DGKH: variants seen among roughly 807,000 people sequenced by gnomAD.
The protein encoded by DGKH is diacylglycerol kinase eta.
DGKH carries 90 observed loss-of-function variants against 159.3 expected under a neutral mutation model. The observed-to-expected ratio is 0.57, with a 90% confidence interval of 0.48 to 0.67. DGKH has a LOEUF of 0.67. DGKH is among the 30% of genes least tolerant of loss of function. The probability of loss-of-function intolerance (pLI) is 0.00; values close to 1 mark genes in which losing one functional copy is unlikely to be tolerated. For synonymous variants in DGKH, 536 were observed against 553.8 expected, an observed-to-expected ratio of 0.97 and a Z score of 0.45; for missense variants, 1,181 against 1,506.1, an observed-to-expected ratio of 0.78 and a Z score of 3.57.
At chr13:42,159,242 C>CTGTTTTTTTTTTTTTTTTT in intron 5 of DGKH, 24 bp from the exon 6 acceptor site, 3 of 159,040 alleles carry the variant, frequency 1.9e-5, no homozygotes, top group East Asian at 1.8e-4. Flanking sequence ...AAAGCAGTTG[C>CTGTTTTTTTTTTTTTTTTT]TCTTTTTTTT....
chr13:42,150,563 A>G (rs758055557), intron 3 of DGKH, among the ~76,000 whole-genome samples: 2 of 152,252 alleles, frequency 1.3e-5, no homozygotes, highest in Non-Finnish European at 2.9e-5. Context: ...ATGCTGCGGA[A>G]GTAATCCTTC....
rs1163916522 is a variant in DGKH at position 42,205,956 on chromosome 13, T to G, written c.2494-83T>G. On this transcript the variant is annotated intron_variant, in intron 20 of 29. Transcript: ENST00000337343. ...ACACTGTGCTCCATTGTCCTTCATC[T>G]TTAGTGTTTTAGTATCTTCCATACT... 6.7e-6 allele frequency: 5 copies of G among 745,458 alleles called. No homozygotes were observed. In the African/African-American group the frequency reaches 9.1e-5, roughly 14 times the overall value. 46.2% of individuals were successfully genotyped at this position (745,458 alleles called of 1,614,324 possible). A position where few individuals can be genotyped will look rare whatever the true frequency, so the allele number is the denominator to read the frequency against.
At chr13:42,195,558 G>A (rs767310681) in intron 17 of DGKH, among the ~76,000 whole-genome samples, 4 of 152,238 alleles carry the variant, frequency 2.6e-5, no homozygotes, top group East Asian at 1.9e-4. Flanking sequence ...ATTATGAGTC[G>A]GTAGTTCTGG....
chr13:42,122,764 G>T (rs1955101198), intron 1 of DGKH, among the ~76,000 whole-genome samples: 1 of 152,178 alleles, frequency 6.6e-6, no homozygotes, highest in South Asian at 2.1e-4. Context: ...AGCGTATCTT[G>T]TCATTGCATA....
At chr13:42,048,641 G>T, upstream of DGKH, 4 of 1,128,518 alleles carry the variant, frequency 3.5e-6, no homozygotes, top group East Asian at 6.9e-5. The surrounding 1 kb of genome is among the most constrained non-coding windows in gnomAD (Gnocchi z 6.7). Flanking sequence ...CCTCGCGGGG[G>T]TAGCTAGGGA....
chr13:42,068,425 C>T (rs922639105), intron 1 of DGKH, among the ~76,000 whole-genome samples: 3 of 152,062 alleles, frequency 2.0e-5, no homozygotes, highest in Admixed American at 6.6e-5. Context: ...TATGTTTTGC[C>T]GCATATTTTT....
chr13:42,173,943 G>A lies in DGKH; in HGVS notation c.1368-117G>A. ...ATAAAATAAACCATAGTTCATGAAT[G>A]TGTGTGTGTGTGTGTGCGTGCGTGT... On this transcript the variant is annotated intron_variant, in intron 11 of 29. Coordinates refer to ENST00000337343, the MANE Select transcript of DGKH (RefSeq NM_178009.5). 4 of 334,342 alleles carry A rather than the reference G, an allele frequency of 1.2e-5. No homozygotes were observed. In the South Asian group the frequency reaches 2.1e-4, roughly 18 times the overall value. The allele number at this position is 334,342 out of a possible 1,614,324, so 20.7% of individuals were successfully genotyped here. A position where few individuals can be genotyped will look rare whatever the true frequency, so the allele number is the denominator to read the frequency against.
intron 3 of DGKH, among the ~76,000 whole-genome samples, chr13:42,135,466 G>T (rs1477684303): frequency 8.2e-6 from 1 of 122,044 alleles, no homozygotes; most frequent in Non-Finnish European, 1.8e-5. Context: ...CTCCAGTCTG[G>T]GTGGCAGAGA....
At chr13:42,071,221 G>A (rs1348537005) in intron 1 of DGKH, 2 of 420,822 alleles carry the variant, frequency 4.8e-6, no homozygotes, top group South Asian at 3.2e-5. Context: ...TCCACAGCAA[G>A]ATGGTTTCTT....
chr13:42,142,072 A>G (rs61959224), intron 3 of DGKH, among the ~76,000 whole-genome samples: 3 of 151,622 alleles, frequency 2.0e-5, no homozygotes. Flanking sequence ...TAATTTTTGT[A>G]TAAGGTGTAA....
chr13:42,087,151 C>G (rs1954324617), intron 1 of DGKH, among the ~76,000 whole-genome samples: 1 of 151,742 alleles, frequency 6.6e-6, no homozygotes, highest in South Asian at 2.1e-4. Flanking sequence ...CATATTCCCA[C>G]TGGACAGAGT....
rs559100560 is a variant in DGKH at position 42,070,882 on chromosome 13, C to T, written c.192+21917C>T. ...TTTCACAATGTTATCATGGTCAAGT[C>T]TTCTAATAATCTTGATTTCACATAG... is the stretch of plus-strand genomic sequence containing the variant. On this transcript the variant is annotated intron_variant, in intron 1 of 29. Transcript: ENST00000337343. 129 of 1,295,604 alleles carry T rather than the reference C, an allele frequency of 1.0e-4. 2 individuals are homozygous for T. In the South Asian group the frequency reaches 1.5e-3, roughly 15 times the overall value. 80.3% of individuals were successfully genotyped at this position (1,295,604 alleles called of 1,614,324 possible).
intron 3 of DGKH, chr13:42,140,575 C>T (rs4941417): frequency 0.13 from 19,097 of 152,224 alleles, 1,578 homozygotes; most frequent in Admixed American, 0.22. Flanking sequence ...CAAGTTCCAC[C>T]AACCACTCTG....
intron 16 of DGKH, among the ~76,000 whole-genome samples, chr13:42,194,157 TGAGACAGAGTCTTACTGTGTCAC>T (rs1957148516): frequency 6.6e-6 from 1 of 152,242 alleles, no homozygotes; most frequent in African/African-American, 2.4e-5. Flanking sequence ...TGTTTATGTA[TGAGACAGAGTCTTACTGTGTCAC>T]CCAGGCTAGA....
rs1566191802 is a variant in DGKH, at chr13:42,207,029, CTTTCT to C, written c.2601+886_2601+890del. On this transcript the variant is annotated intron_variant, in intron 21 of 29. Transcript: ENST00000337343. The stretch of plus-strand genomic sequence containing the variant: ...TTTCTTTCTTTCTTTCTTTCTTTTT[CTTTCT>C]TTCTTTCCTTCTTTCCTTCTTTCCT... 1.4e-4 allele frequency among the ~76,000 whole-genome samples: 13 copies of C among 92,016 alleles called. 1 individual carries two copies. Among genetic ancestry groups the C allele is most frequent in the Non-Finnish European group, 2.0e-4 (9 of 45,332 alleles). 60.4% of individuals were successfully genotyped at this position (92,016 alleles called of 152,430 possible). A position where few individuals can be genotyped will look rare whatever the true frequency, so the allele number is the denominator to read the frequency against.
At chr13:42,152,178 A>G (rs189799111) in intron 3 of DGKH, among the ~76,000 whole-genome samples, 143 of 152,270 alleles carry the variant, frequency 9.4e-4, no homozygotes, top group East Asian at 1.9e-4. Context: ...TCTGAAATCT[A>G]CAACTTTAAG....
At chr13:42,143,081 A>G (rs977914092) in intron 3 of DGKH, among the ~76,000 whole-genome samples, 1 of 148,712 alleles carries the variant, frequency 6.7e-6, no homozygotes, top group Non-Finnish European at 1.5e-5. Flanking sequence ...ATCAATACCT[A>G]ATTTTTTTGA....
chr13:42,174,185 G>A, intron 12 of DGKH, 41 bp downstream of exon 12: 2 of 1,409,856 alleles, frequency 1.4e-6, no homozygotes, highest in Non-Finnish European at 2.0e-6. Context: ...AATGGGGGTG[G>A]ATATCTTGAG....
intron 11 of DGKH, among the ~76,000 whole-genome samples, chr13:42,169,861 G>A (rs1269913708): frequency 6.6e-6 from 1 of 152,168 alleles, no homozygotes; most frequent in Non-Finnish European, 1.5e-5. Flanking sequence ...ATAATCTTAT[G>A]TGCTACTGGG....
Sources: allele counts gnomAD v4.1 joint callset (sites outside exome capture counted in the v4.1 genomes callset), GRCh38; gene constraint gnomAD v4.1.1; non-coding constraint Gnocchi (gnomAD v3.1); transcripts MANE v1.5; gene names NCBI Gene and HGNC (gene_info 2026-07-23, HGNC 2026-07-21).